RCBTB2: variants seen among roughly 807,000 people sequenced by gnomAD.
RCBTB2 encodes RCC1 and BTB domain-containing protein 2.
In RCBTB2, 55 loss-of-function variants were observed where a neutral mutation model predicts 65.4. The ratio of observed to expected loss-of-function variants is 0.84; its 90% confidence interval spans 0.68 to 1.05. RCBTB2 has a LOEUF of 1.05. RCBTB2 is among the 50% of genes least tolerant of loss of function. The pLI, the probability that RCBTB2 is intolerant of heterozygous loss-of-function variation, is 0.00. For synonymous variants in RCBTB2, 220 were observed against 255.2 expected, an observed-to-expected ratio of 0.86 and a Z score of 1.31; for missense variants, 599 against 680.1, an observed-to-expected ratio of 0.88 and a Z score of 1.33.
At chr13:48,515,116 G>T in intron 6 of RCBTB2, 89 bp downstream of exon 6, 1 of 1,193,016 alleles carries the variant, frequency 8.4e-7, no homozygotes. Flanking sequence ...AATTTCACAG[G>T]AAGAGCTAGC....
chr13:48,501,747 C>G lies in RCBTB2; in HGVS notation c.1239G>C (p.Lys413Asn). 1 of 1,610,230 alleles carries G rather than the reference C, an allele frequency of 6.2e-7. No individual in the cohort carries two copies. The highest frequency in any genetic ancestry group is 1.7e-4 in the Middle Eastern group (1 of 6,054). Residue 413 changes from lysine (K) to asparagine (N), a missense_variant, in exon 12 of 15, where the codon AAG (lysine) becomes AAC (asparagine). Transcript: ENST00000344532. ...KYIYAHKVLL[K>N]IRCEHFRSSL... The stretch of plus-strand genomic sequence containing the variant: ...TCAAATAAATGATTCCTTACCGAAT[C>G]TTGAGAAGGACTTTATGTGCATAAA...
chr13:48,502,180 A>G (rs946979476), intron 11 of RCBTB2, among the ~76,000 whole-genome samples: 3 of 152,192 alleles, frequency 2.0e-5, no homozygotes, highest in African/African-American at 7.2e-5. Flanking sequence ...ACAGTTTCTC[A>G]GTAAAATTAA....
chr13:48,527,361 T>TATATGATATATATATATATGATATA, intron 1 of RCBTB2, among the ~76,000 whole-genome samples: 11 of 112,426 alleles, frequency 9.8e-5, no homozygotes, highest in African/African-American at 5.5e-4. Context: ...TGATATATAT[T>TATATGATATATATATATATGATATA]TATATATGAT....
intron 14 of RCBTB2, among the ~76,000 whole-genome samples, chr13:48,493,348 C>CTCTTA (rs1949827632): frequency 6.8e-6 from 1 of 146,964 alleles, no homozygotes; most frequent in Non-Finnish European, 1.5e-5. Context: ...CTCTTCTCTT[C>CTCTTA]TCTCTCTCAC....
upstream of RCBTB2, chr13:48,533,204 C>T: frequency 2.9e-6 from 1 of 340,076 alleles, no homozygotes; most frequent in Non-Finnish European, 5.8e-6. Flanking sequence ...GAGGAGGGGG[C>T]TGGCGACGGC....
chr13:48,522,618 A>G (rs770271348), intron 2 of RCBTB2, among the ~76,000 whole-genome samples: 17 of 152,226 alleles, frequency 1.1e-4, no homozygotes, highest in Non-Finnish European at 2.5e-4. Flanking sequence ...AAGCTATGCA[A>G]TATGTCTGGA....
Position 48,521,930 on chromosome 13 carries a change from C to A in RCBTB2, c.10G>T (p.Glu4Ter), listed in dbSNP as rs767778324. 23 of 1,613,686 alleles carry A rather than the reference C, an allele frequency of 1.4e-5. No individual in the cohort carries two copies. The African/African-American group carries it at 2.9e-4, about 21-fold the overall frequency. ...CTGTCTCCAGAGAAAAGAGGAAGTT[C>A]TTCTTCCATATGGACTCAGTCCTGG... MEE[E>*]LPLFSGDSGK... The change falls in exon 4 of 15, where the codon GAA becomes TAA. Residue 4 changes from glutamate (E) to a stop codon, truncating the protein, a stop_gained. Coordinates refer to ENST00000344532, the MANE Select transcript of RCBTB2 (RefSeq NM_001268.4). LOFTEE classifies it high-confidence loss of function.
At chr13:48,527,369 G>GATATATATATGAT (rs1951849907) in intron 1 of RCBTB2, among the ~76,000 whole-genome samples, 1 of 99,856 alleles carries the variant, frequency 1.0e-5, no homozygotes, top group African/African-American at 5.0e-5. Context: ...ATTTATATAT[G>GATATATATATGAT]ATATATATAT....
At chr13:48,503,245 C>A (rs943862226) in intron 10 of RCBTB2, among the ~76,000 whole-genome samples, 3 of 151,962 alleles carry the variant, frequency 2.0e-5, no homozygotes, top group African/African-American at 7.3e-5. Context: ...AGTAGTGGTC[C>A]CCCCTACCAA....
chr13:48,528,075 C>G (rs1035303558), intron 1 of RCBTB2, among the ~76,000 whole-genome samples: 1 of 152,100 alleles, frequency 6.6e-6, no homozygotes, highest in Non-Finnish European at 1.5e-5. Context: ...CTAATTCATT[C>G]AACAAATATT....
chr13:48,515,794 C>T, intron 4 of RCBTB2, 53 bp from the exon 5 acceptor site: 4 of 1,547,116 alleles, frequency 2.6e-6, no homozygotes, highest in Non-Finnish European at 3.5e-6. Flanking sequence ...TGAATTTTCT[C>T]TGCCCCTTCA....
chr13:48,496,318 AG>A lies in RCBTB2; in HGVS notation c.1387del (p.Leu463CysfsTer2). Reference protein sequence around the residue: ...ISLSPEEAVGLLDLATFYREN... With the variant: ...ISLSPEEAVGXLDLATFYREN... ...TCTATAAAATGTAGCCAAGTCTAGC[AG>A]TCCTGGCGGAAAGAGGTGTTTATTA... On this transcript the variant is annotated frameshift_variant and splice_region_variant, in exon 14 of 15. Coordinates refer to ENST00000344532, the MANE Select transcript of RCBTB2 (RefSeq NM_001268.4). LOFTEE classifies it high-confidence loss of function. 2 of 1,562,150 alleles carry A rather than the reference AG, an allele frequency of 1.3e-6. No homozygotes were observed. The highest frequency in any genetic ancestry group is 1.7e-6 in the Non-Finnish European group (2 of 1,154,570).
chr13:48,498,468 C>T (rs765062057), intron 13 of RCBTB2, among the ~76,000 whole-genome samples: 6 of 152,274 alleles, frequency 3.9e-5, no homozygotes, highest in East Asian at 1.9e-4. Flanking sequence ...CAGTGGCTCA[C>T]GCCTGTAATC....
At position 48,510,666 on chromosome 13, in the gene RCBTB2, G is replaced by A. The variant is rs1364571766; in HGVS notation, c.889C>T (p.Gln297Ter). ...ACAGTGACAGGAGTAGGATAGGACT[G>A]GTTGCTTTTATTGCCAGTGCCCAAC... ...GQLGTGNKSN[Q>*]SYPTPVTVEK... The change falls in exon 10 of 15, where the codon CAG becomes TAG. Residue 297 changes from glutamine to a stop codon, truncating the protein, a stop_gained. Coordinates refer to ENST00000344532, the MANE Select transcript of RCBTB2 (RefSeq NM_001268.4). LOFTEE classifies it high-confidence loss of function. 1.2e-6 allele frequency: 2 copies of A among 1,614,078 alleles called. No individual in the cohort carries two copies. Among genetic ancestry groups the A allele is most frequent in the Non-Finnish European group, 1.7e-6 (2 of 1,180,050 alleles).
rs2138565529 is a variant in RCBTB2 at position 48,515,335 on chromosome 13, G to A, written c.219C>T (p.Asn73=). ...CACCTAACCCCAAACAGCCACAGCAGTTTGTGCCAAGCACAAAAATCTATG... is the reference window on the plus strand; with the variant it reads ...CACCTAACCCCAAACAGCCACAGCAATTTGTGCCAAGCACAAAAATCTATG... The part of the protein sequence containing the change: ...VNDEIFVLGT[N]CCGCLGLGDV... Residue 73 remains asparagine, a synonymous_variant, in exon 6 of 15, where the codon AAC becomes AAT. Transcript: ENST00000344532. 1 of 1,613,770 alleles carries A rather than the reference G, an allele frequency of 6.2e-7. No homozygotes were observed. Among genetic ancestry groups the A allele is most frequent in the East Asian group, 2.2e-5 (1 of 44,892 alleles).
At chr13:48,525,202 G>C (rs1370582350) in intron 1 of RCBTB2, among the ~76,000 whole-genome samples, 1 of 151,408 alleles carries the variant, frequency 6.6e-6, no homozygotes, top group African/African-American at 2.4e-5. Flanking sequence ...ACAAAGAAAA[G>C]AGCAGTAAAC....
chr13:48,529,663 T>C (rs1951995415), intron 1 of RCBTB2, among the ~76,000 whole-genome samples: 1 of 152,206 alleles, frequency 6.6e-6, no homozygotes, highest in African/African-American at 2.4e-5. Flanking sequence ...GTGAACTAGA[T>C]ACATGTTCCT....
At chr13:48,507,981 T>C (rs748166780) in intron 10 of RCBTB2, among the ~76,000 whole-genome samples, 3 of 152,248 alleles carry the variant, frequency 2.0e-5, no homozygotes, top group Non-Finnish European at 4.4e-5. Flanking sequence ...TTCTCCATCA[T>C]AAATAAAATC....
chr13:48,493,276 CCT>C lies in RCBTB2; in HGVS notation c.1515+2913_1515+2914del, dbSNP rs150104825. 8.6e-3 allele frequency among the ~76,000 whole-genome samples: 1,094 copies of C among 127,312 alleles called. 22 individuals carry two copies. The highest frequency in any genetic ancestry group is 0.02 in the African/African-American group (518 of 25,972). The allele number at this position is 127,312 out of a possible 152,430, so 83.5% of individuals were successfully genotyped here. A position where few individuals can be genotyped will look rare whatever the true frequency, so the allele number is the denominator to read the frequency against. ...ACACACACACTCTTCTCTCTCTCAC[CCT>C]CTCTCTCTCTCCACACACACACACA... On this transcript the variant is annotated intron_variant, in intron 14 of 14. Coordinates refer to ENST00000344532, the MANE Select transcript of RCBTB2 (RefSeq NM_001268.4).
Sources: allele counts gnomAD v4.1 joint callset (sites outside exome capture counted in the v4.1 genomes callset), GRCh38; gene constraint gnomAD v4.1.1; transcripts MANE v1.5; gene names NCBI Gene and HGNC (gene_info 2026-07-23, HGNC 2026-07-21).